The following STX8 variants were observed in gnomAD, a reference collection of about 807,000 sequenced individuals.
STX8 encodes the protein syntaxin-8.
Under a neutral mutation model 37.5 loss-of-function variants are expected in STX8, and 23 were observed. That is an observed-to-expected ratio of 0.61 (90% confidence interval 0.44 to 0.87). STX8 has a LOEUF of 0.87. STX8 is among the 40% of genes least tolerant of loss of function. STX8 has a pLI of 0.00. For missense variants in STX8, 313 were observed against 284.7 expected (o/e 1.10, Z -0.71); for synonymous variants, 115 against 99.1 (o/e 1.16, Z -0.95).
chr17:9,512,977 TTA>T (rs1597718037), intron 4 of STX8, among the ~76,000 whole-genome samples: 10 of 152,196 alleles, frequency 6.6e-5, no homozygotes, highest in Admixed American at 5.2e-4. Flanking sequence ...GGAAAAGATT[TTA>T]TGAGTCAGAC....
In STX8 at chr17:9,535,424, CTTTTTT is replaced by C. The variant is rs35962202; in HGVS notation, c.323+9742_323+9747del. Reference sequence around the variant, plus strand: ...CATACCCTCTGACCCAGCCATCCTACTTTTTTTTTTTTTTTTTTTTTTTTTTGAGAC... The same window carrying C: ...CATACCCTCTGACCCAGCCATCCTACTTTTTTTTTTTTTTTTTTTTGAGAC... On this transcript the variant is annotated intron_variant, in intron 4 of 7. Coordinates refer to ENST00000306357, the MANE Select transcript of STX8 (RefSeq NM_004853.3). Among the ~76,000 whole-genome samples, 226 of 51,562 alleles carry C rather than the reference CTTTTTT, an allele frequency of 4.4e-3. 4 individuals carry two copies. The highest frequency in any genetic ancestry group is 0.025 in the Middle Eastern group (1 of 40). 33.8% of individuals were successfully genotyped at this position (51,562 alleles called of 152,430 possible). A position where few individuals can be genotyped will look rare whatever the true frequency, so the allele number is the denominator to read the frequency against.
intron 7 of STX8, among the ~76,000 whole-genome samples, chr17:9,321,475 A>G (rs1289861351): frequency 6.6e-6 from 1 of 151,704 alleles, no homozygotes; most frequent in Non-Finnish European, 1.5e-5. Context: ...GTTTGCAGTG[A>G]GCTGAGATAG....
At chr17:9,315,269 T>C (rs1220991532) in intron 7 of STX8, among the ~76,000 whole-genome samples, 3 of 150,556 alleles carry the variant, frequency 2.0e-5, no homozygotes, top group African/African-American at 7.4e-5. Context: ...CTTTCTTTCC[T>C]AAGAGTTAAA....
At chr17:9,417,035 C>T (rs1913223866) in intron 6 of STX8, among the ~76,000 whole-genome samples, 1 of 152,208 alleles carries the variant, frequency 6.6e-6, no homozygotes, top group African/African-American at 2.4e-5. Flanking sequence ...TCAGTGCACA[C>T]AGACTGTTTT....
At chr17:9,468,720 C>T (rs974153990) in intron 6 of STX8, among the ~76,000 whole-genome samples, 2 of 152,206 alleles carry the variant, frequency 1.3e-5, no homozygotes, top group Admixed American at 6.5e-5. Flanking sequence ...TGCCCAAGGA[C>T]CCGGCCTTCC....
chr17:9,546,221 A>C (rs1906500855), intron 3 of STX8, among the ~76,000 whole-genome samples: 1 of 152,232 alleles, frequency 6.6e-6, no homozygotes, highest in Non-Finnish European at 1.5e-5. Flanking sequence ...TTAATGTGTG[A>C]ATCTAGCAAA....
intron 7 of STX8, among the ~76,000 whole-genome samples, chr17:9,367,731 T>C (rs930528116): frequency 4.0e-5 from 6 of 151,582 alleles, no homozygotes; most frequent in African/African-American, 1.5e-4. Context: ...AAACAGAAGG[T>C]TTGTTGTTGT....
intron 7 of STX8, among the ~76,000 whole-genome samples, chr17:9,360,225 G>A (rs1031974824): frequency 3.3e-5 from 4 of 121,864 alleles, no homozygotes; most frequent in East Asian, 5.0e-4. Context: ...AAAATTAACC[G>A]TCTTTTTTTT....
In STX8 at chr17:9,506,512, G is replaced by A. The variant is rs563186597; in HGVS notation, c.324-1350C>T. On this transcript the variant is annotated intron_variant, in intron 4 of 7. Coordinates refer to ENST00000306357, the MANE Select transcript of STX8 (RefSeq NM_004853.3). ...AAGTGCTGAACTGCAGTGGGGAAGT[G>A]GAGAGGCCCCTGTGGTGACTGAAAG... 1.1e-4 allele frequency among the ~76,000 whole-genome samples: 17 copies of A among 150,534 alleles called. 1 individual carries two copies. The highest frequency in any genetic ancestry group is 9.3e-4 in the Admixed American group (14 of 14,982).
At chr17:9,320,967 C>T (rs1419265123) in intron 7 of STX8, among the ~76,000 whole-genome samples, 1 of 145,210 alleles carries the variant, frequency 6.9e-6, no homozygotes, top group East Asian at 2.0e-4. Flanking sequence ...AAAAACTTAA[C>T]TCTAGTTAAA....
intron 6 of STX8, among the ~76,000 whole-genome samples, chr17:9,380,703 C>T (rs1163726316): frequency 1.5e-5 from 2 of 132,656 alleles, no homozygotes; most frequent in Non-Finnish European, 3.2e-5. Flanking sequence ...TGTTTGGATA[C>T]AGAAACTTTT....
At chr17:9,299,823 A>G (rs965036514) in intron 7 of STX8, among the ~76,000 whole-genome samples, 12 of 152,142 alleles carry the variant, frequency 7.9e-5, no homozygotes, top group African/African-American at 2.7e-4. Flanking sequence ...TCTAGAAGCT[A>G]CCGCTTTAGG....
intron 3 of STX8, among the ~76,000 whole-genome samples, chr17:9,552,472 T>C (rs1403135700): frequency 6.6e-6 from 1 of 152,160 alleles, no homozygotes; most frequent in Non-Finnish European, 1.5e-5. Context: ...TGAAAACCAC[T>C]TCACCTCCAC....
At chr17:9,430,012 T>G (rs1378821220) in intron 6 of STX8, among the ~76,000 whole-genome samples, 2 of 23,660 alleles carry the variant, frequency 8.5e-5, no homozygotes, top group Non-Finnish European at 1.3e-4. Context: ...ATATTATATA[T>G]TATATATTAT....
intron 6 of STX8, among the ~76,000 whole-genome samples, chr17:9,438,818 A>C (rs1300223699): frequency 3.3e-5 from 5 of 151,956 alleles, no homozygotes; most frequent in African/African-American, 1.2e-4. Context: ...AGTCCCAGCT[A>C]CTCAGGAGGC....
chr17:9,275,685 T>C (rs1163010527), intron 7 of STX8, among the ~76,000 whole-genome samples: 1 of 151,784 alleles, frequency 6.6e-6, no homozygotes, highest in African/African-American at 2.4e-5. Context: ...CTGACCAACA[T>C]GGAGAAACCC....
intron 7 of STX8, among the ~76,000 whole-genome samples, chr17:9,375,935 C>G (rs970163154): frequency 1.3e-5 from 2 of 152,178 alleles, no homozygotes; most frequent in African/African-American, 4.8e-5. Flanking sequence ...CTAGAGCTCA[C>G]TCTCATGATA....
intron 6 of STX8, among the ~76,000 whole-genome samples, chr17:9,471,954 C>A (rs1341385365): frequency 2.0e-5 from 3 of 152,134 alleles, no homozygotes; most frequent in African/African-American, 7.2e-5. Context: ...TCACCATGAA[C>A]ACTGAATTAG....
At chr17:9,361,189 C>T (rs1235092310) in intron 7 of STX8, among the ~76,000 whole-genome samples, 1 of 152,048 alleles carries the variant, frequency 6.6e-6, no homozygotes, top group African/African-American at 2.4e-5. Context: ...ATTAATGGAT[C>T]CCTAGAGCTG....
Sources: allele counts gnomAD v4.1 joint callset (sites outside exome capture counted in the v4.1 genomes callset), GRCh38; gene constraint gnomAD v4.1.1; transcripts MANE v1.5; gene names NCBI Gene and HGNC (gene_info 2026-07-23, HGNC 2026-07-21).